Variants in CSMD1 observed in about 807,000 individuals in gnomAD.
CSMD1 encodes CUB and sushi domain-containing protein 1.
A neutral mutation model predicts 417.5 loss-of-function variants in CSMD1; 213 were observed. The ratio of observed to expected loss-of-function variants is 0.51; its 90% CI spans 0.46 to 0.57. The LOEUF (loss-of-function observed/expected upper bound fraction) is 0.57, where lower values mean the gene tolerates loss of function less well. Ranked by LOEUF, CSMD1 falls within the 20% of genes least tolerant of loss-of-function variation. The probability of loss-of-function intolerance (pLI) is 0.00; values close to 1 mark genes in which losing one functional copy is unlikely to be tolerated. For synonymous variants in CSMD1, 2,862 were observed against 1,736.8 expected (o/e 1.65, Z -16.11); for missense variants, 6,923 against 4,529.7 (o/e 1.53, Z -15.17).
intron 3 of CSMD1, among the ~76,000 whole-genome samples, chr8:4,115,120 A>G (rs903817182): frequency 6.6e-6 from 1 of 152,218 alleles, no homozygotes; most frequent in African/African-American, 2.4e-5. Flanking sequence ...TTTCATGAAA[A>G]AAAGTCCATA....
intron 11 of CSMD1, among the ~76,000 whole-genome samples, chr8:3,489,216 A>C (rs566728749): frequency 1.3e-5 from 2 of 152,302 alleles, no homozygotes; most frequent in South Asian, 4.1e-4. Flanking sequence ...TGGGAGCAAG[A>C]AGTAGATTCA....
Position 3,616,763 on chromosome 8 carries a change from C to A in CSMD1, c.1044G>T (p.Met348Ile), listed in dbSNP as rs565606077. ...SQGGVALVSD[M>I]CPDPGIPENG... ...TTTCTGGAATCCCAGGATCTGGACA[C>A]ATGTCAGAGACCAATGCAACACCTC... Residue 348 changes from methionine to isoleucine, a missense_variant, in exon 8 of 70, where the codon ATG (methionine) becomes ATT (isoleucine). Physicochemically the swap from Met to Ile is conservative, Grantham distance 10. Transcript: ENST00000635120. 2 of 1,612,528 alleles carry A rather than the reference C, an allele frequency of 1.2e-6. No homozygotes were observed. Among genetic ancestry groups the A allele is most frequent in the East Asian group, 2.2e-5 (1 of 44,804 alleles).
At chr8:4,925,420 C>T (rs1806790225) in intron 1 of CSMD1, among the ~76,000 whole-genome samples, 1 of 151,700 alleles carries the variant, frequency 6.6e-6, no homozygotes, top group South Asian at 2.1e-4. Flanking sequence ...TAAAATATAC[C>T]TTTCCTACAG....
rs556953398 is a variant in CSMD1, at chr8:3,807,717, C to G, written c.819-53675G>C. Among the ~76,000 whole-genome samples, 4 of 152,152 alleles carry G rather than the reference C, an allele frequency of 2.6e-5. No homozygotes were observed. In the South Asian group the frequency reaches 8.3e-4, roughly 32 times the overall value. The stretch of plus-strand genomic sequence containing the variant: ...TTTCTTCCTTGAGCTATAAGGGATC[C>G]TAATGTCTTTATTACACAGGAATCA... On this transcript the variant is annotated intron_variant, in intron 5 of 69. Transcript: ENST00000635120.
intron 2 of CSMD1, among the ~76,000 whole-genome samples, chr8:4,465,200 G>A (rs1328515811): frequency 6.6e-6 from 1 of 152,116 alleles, no homozygotes; most frequent in African/African-American, 2.4e-5. Flanking sequence ...AAACCAGGAG[G>A]ATGCCACATA....
rs115584254 is a variant in CSMD1, at chr8:3,089,334, G to C, written c.7286-2049C>G. On this transcript the variant is annotated intron_variant, in intron 48 of 69. Transcript: ENST00000635120. ...TACTTTCAACCCGCCCAATACAGAA[G>C]CTTTCATTTGCTTCTCATAGTATGA... 8.7e-3 allele frequency among the ~76,000 whole-genome samples: 1,318 copies of C among 152,346 alleles called. 20 individuals carry two copies. Among genetic ancestry groups the C allele is most frequent in the African/African-American group, 0.03 (1,267 of 41,580 alleles).
chr8:3,520,340 G>C (rs943350983), intron 10 of CSMD1, among the ~76,000 whole-genome samples: 1 of 152,094 alleles, frequency 6.6e-6, no homozygotes, highest in Non-Finnish European at 1.5e-5. Flanking sequence ...ATAAACTGCA[G>C]AAGAATATTT....
intron 1 of CSMD1, among the ~76,000 whole-genome samples, chr8:4,770,245 G>A (rs1796532407): frequency 6.8e-6 from 1 of 147,582 alleles, no homozygotes; most frequent in African/African-American, 2.5e-5. Context: ...ATTCATATAT[G>A]TATTCCTAAT....
chr8:4,570,212 T>C (rs1381322941), intron 2 of CSMD1, among the ~76,000 whole-genome samples: 1 of 152,176 alleles, frequency 6.6e-6, no homozygotes, highest in Non-Finnish European at 1.5e-5. Flanking sequence ...TCCTTGTCTT[T>C]TGCTGGTTTT....
At chr8:3,212,320 T>C (rs1797658238) in intron 30 of CSMD1, among the ~76,000 whole-genome samples, 1 of 152,216 alleles carries the variant, frequency 6.6e-6, no homozygotes, top group Non-Finnish European at 1.5e-5. Flanking sequence ...AAAGGACTGA[T>C]GCATAACCTG....
At chr8:3,786,270 A>G (rs545644645) in intron 5 of CSMD1, among the ~76,000 whole-genome samples, 4 of 152,242 alleles carry the variant, frequency 2.6e-5, no homozygotes, top group African/African-American at 7.2e-5. Flanking sequence ...GAGTGGATAC[A>G]TGGGCATGGA....
chr8:3,245,660 G>A (rs1370926600), intron 26 of CSMD1, among the ~76,000 whole-genome samples: 1 of 152,092 alleles, frequency 6.6e-6, no homozygotes, highest in African/African-American at 2.4e-5. Context: ...GTTGCAAAAC[G>A]GCCTCCTTTC....
intron 10 of CSMD1, among the ~76,000 whole-genome samples, chr8:3,518,374 T>A (rs1161483502): frequency 1.3e-5 from 2 of 152,188 alleles, no homozygotes; most frequent in African/African-American, 4.8e-5. Flanking sequence ...AACAACCATT[T>A]AATTGTAAAT....
chr8:3,423,141 AAAT>A, intron 12 of CSMD1, among the ~76,000 whole-genome samples: 1 of 152,292 alleles, frequency 6.6e-6, no homozygotes, highest in East Asian at 1.9e-4. Flanking sequence ...TGATATTTTT[AAAT>A]AATCAGTTTA....
At chr8:3,954,355 G>T (rs542425115) in intron 5 of CSMD1, among the ~76,000 whole-genome samples, 1 of 151,570 alleles carries the variant, frequency 6.6e-6, no homozygotes, top group African/African-American at 2.4e-5. Context: ...ATTTAACTGG[G>T]ATCCTAGGAC....
At chr8:3,252,413 C>G in intron 26 of CSMD1, among the ~76,000 whole-genome samples, 1 of 152,160 alleles carries the variant, frequency 6.6e-6, no homozygotes, top group South Asian at 2.1e-4. Context: ...GGATGAAGCT[C>G]ACTTGATCAT....
chr8:4,523,259 C>A (rs763682598), intron 2 of CSMD1, among the ~76,000 whole-genome samples: 1 of 152,056 alleles, frequency 6.6e-6, no homozygotes, highest in Non-Finnish European at 1.5e-5. Flanking sequence ...ATAGATTGAC[C>A]CTCAAATCAT....
At chr8:2,957,111 A>G (rs185033011) in intron 63 of CSMD1, among the ~76,000 whole-genome samples, 1 of 152,252 alleles carries the variant, frequency 6.6e-6, no homozygotes, top group African/African-American at 2.4e-5. Flanking sequence ...ACTCATCCAT[A>G]TATTTTTTCT....
intron 2 of CSMD1, among the ~76,000 whole-genome samples, chr8:4,549,024 G>T (rs533656177): frequency 1.3e-5 from 2 of 152,004 alleles, no homozygotes; most frequent in Non-Finnish European, 2.9e-5. Flanking sequence ...GAGTAATTAA[G>T]TATATTTTGT....
Sources: gnomAD v4.1 joint callset for allele counts (sites outside exome capture counted in the v4.1 genomes callset) on GRCh38, gnomAD v4.1.1 for gene constraint, MANE v1.5 for transcripts, NCBI Gene and HGNC (gene_info 2026-07-23, HGNC 2026-07-21) for gene names.